ANKDD1A: variants seen among roughly 807,000 people sequenced by gnomAD.
The protein encoded by ANKDD1A is ankyrin repeat and death domain containing 1A, also known as ankyrin repeat and death domain-containing protein 1A.
ANKDD1A carries 59 observed loss-of-function variants against 63.5 expected under a neutral mutation model. The ratio of observed to expected loss-of-function variants is 0.93; its 90% CI spans 0.75 to 1.15. The LOEUF (loss-of-function observed/expected upper bound fraction) is 1.15. ANKDD1A is among the 50% of genes most tolerant of loss of function. ANKDD1A has a pLI of 0.00. For synonymous variants in ANKDD1A, 266 were observed against 263.9 expected, an observed-to-expected ratio of 1.01 and a Z score of -0.08; for missense variants, 632 against 656.4, an observed-to-expected ratio of 0.96 and a Z score of 0.41.
intron 9 of ANKDD1A, among the ~76,000 whole-genome samples, chr15:64,939,146 AGT>A: frequency 6.6e-6 from 1 of 151,954 alleles, no homozygotes; most frequent in Non-Finnish European, 1.5e-5. Context: ...CTAAAATAAA[AGT>A]TTAGGCTAGG....
At chr15:64,953,554 T>TCTC (rs1595860261) in intron 14 of ANKDD1A, among the ~76,000 whole-genome samples, 2,474 of 81,504 alleles carry the variant, frequency 0.03, 48 homozygotes, top group Non-Finnish European at 0.043. Flanking sequence ...TCCTTCTCCT[T>TCTC]CTTTCTTCCT....
intron 14 of ANKDD1A, among the ~76,000 whole-genome samples, chr15:64,952,960 TC>T (rs2085326857): frequency 7.0e-5 from 1 of 14,278 alleles, no homozygotes; most frequent in Non-Finnish European, 4.0e-4. Context: ...TCTTTCTTCC[TC>T]TTCTTCTTTT....
At chr15:64,920,794 C>T (rs2085002224) in intron 3 of ANKDD1A, among the ~76,000 whole-genome samples, 1 of 150,952 alleles carries the variant, frequency 6.6e-6, no homozygotes, top group African/African-American at 2.4e-5. Flanking sequence ...GCGATCCTCC[C>T]ACCTTGGTCC....
chr15:64,912,081 C>G, intron 1 of ANKDD1A, 117 bp downstream of exon 1: 1 of 1,049,380 alleles, frequency 9.5e-7, no homozygotes, highest in Non-Finnish European at 1.2e-6. Flanking sequence ...CCGTGTGGGG[C>G]GTCTGTGTGG....
At chr15:64,936,355 C>T (rs760520747) in intron 9 of ANKDD1A, among the ~76,000 whole-genome samples, 2 of 152,020 alleles carry the variant, frequency 1.3e-5, no homozygotes, top group African/African-American at 2.4e-5. Flanking sequence ...TGATGCCAGC[C>T]CAGTGGTCAA....
intron 14 of ANKDD1A, among the ~76,000 whole-genome samples, chr15:64,953,586 T>C (rs1195106599): frequency 2.1e-4 from 2 of 9,756 alleles, no homozygotes; most frequent in Middle Eastern, 0.056. Flanking sequence ...GTTCTTCTTC[T>C]TCCTTCTCCT....
intron 4 of ANKDD1A, among the ~76,000 whole-genome samples, chr15:64,923,758 G>C (rs1385951): frequency 0.31 from 46,412 of 152,138 alleles, 8,212 homozygotes; most frequent in East Asian, 0.69. Flanking sequence ...GGGTTCTGCT[G>C]TCTGGTCCTG....
Position 64,949,630 on chromosome 15 carries a change from C to T in ANKDD1A, c.1352-211C>T, listed in dbSNP as rs1279408450. 2.0e-5 allele frequency among the ~76,000 whole-genome samples: 3 copies of T among 152,300 alleles called. No homozygotes were observed. In the East Asian group the frequency reaches 5.8e-4, roughly 29 times the overall value. On this transcript the variant is annotated intron_variant, in intron 13 of 14. Coordinates refer to ENST00000319580, the MANE Select transcript of ANKDD1A (RefSeq NM_182703.6). ...TCTAGAGACCAAGACACAAACCCTT[C>T]CCTCCCCATCTGAGAGGCTGCTCCT...
At chr15:64,952,804 CCTT>C (rs1165100247) in intron 14 of ANKDD1A, among the ~76,000 whole-genome samples, 2 of 139,192 alleles carry the variant, frequency 1.4e-5, no homozygotes, top group Non-Finnish European at 3.1e-5. Flanking sequence ...CTTTTCTTCT[CCTT>C]CTCCTCCTTC....
chr15:64,928,162 G>A (rs2085061809), intron 6 of ANKDD1A, among the ~76,000 whole-genome samples: 2 of 152,212 alleles, frequency 1.3e-5, no homozygotes, highest in Admixed American at 6.5e-5. Flanking sequence ...GGTAGAGCTG[G>A]ATTTGGAAGC....
At chr15:64,935,225 C>CAAA (rs1243053667) in intron 9 of ANKDD1A, among the ~76,000 whole-genome samples, 1 of 98,734 alleles carries the variant, frequency 1.0e-5, no homozygotes, top group African/African-American at 3.8e-5. Flanking sequence ...GACTCTGTCT[C>CAAA]AAAAAAAAAA....
chr15:64,931,607 T>A (rs1204911688), intron 8 of ANKDD1A, 22 bp downstream of exon 8: 1 of 1,611,328 alleles, frequency 6.2e-7, no homozygotes, highest in Admixed American at 1.7e-5. Flanking sequence ...CTCCCAAGAC[T>A]GCGGTCGGCT....
intron 8 of ANKDD1A, chr15:64,932,289 G>A (rs2085098055): frequency 2.0e-5 from 3 of 152,182 alleles, no homozygotes; most frequent in African/African-American, 7.2e-5. Context: ...TTTTGCAGAT[G>A]AGAAAACTGG....
rs757252953 is a variant in ANKDD1A, at chr15:64,930,946, G to A, written c.669+26G>A. On this transcript the variant is annotated intron_variant, in intron 7 of 14. Coordinates refer to ENST00000319580, the MANE Select transcript of ANKDD1A (RefSeq NM_182703.6). ...GTGAGTCACCGCCTGGGGATGGCGAGATGCATGACCCTTGCTTGCTCTCTG... is the reference window on the plus strand; with the variant it reads ...GTGAGTCACCGCCTGGGGATGGCGAAATGCATGACCCTTGCTTGCTCTCTG... 1.9e-6 allele frequency: 3 copies of A among 1,602,542 alleles called. No individual in the cohort carries two copies. The African/African-American group carries it at 4.0e-5, about 21-fold the overall frequency.
intron 4 of ANKDD1A, among the ~76,000 whole-genome samples, chr15:64,924,288 G>A (rs1448205720): frequency 1.3e-5 from 2 of 152,248 alleles, no homozygotes; most frequent in Non-Finnish European, 2.9e-5. Flanking sequence ...AAGAGCCAGA[G>A]CAGAATTGGC....
chr15:64,941,564 T>C (rs1208120131), intron 9 of ANKDD1A, among the ~76,000 whole-genome samples: 1 of 152,246 alleles, frequency 6.6e-6, no homozygotes, highest in African/African-American at 2.4e-5. Context: ...TAACACTCCA[T>C]ACCCACTGGC....
chr15:64,957,056 T>A (rs75710768), intron 14 of ANKDD1A, 47 bp from the exon 15 acceptor site: 423,428 of 449,022 alleles, frequency 0.94, 200,918 homozygotes, highest in East Asian at 1. Flanking sequence ...TTAAGGGTGA[T>A]AATTGTTTTG....
chr15:64,927,029 G>T, intron 6 of ANKDD1A, 30 bp downstream of exon 6: 1 of 1,612,372 alleles, frequency 6.2e-7, no homozygotes, highest in South Asian at 1.1e-5. Flanking sequence ...CTGGGATCCT[G>T]ACCAGGGTGC....
At chr15:64,953,164 C>CCTT (rs756792682) in intron 14 of ANKDD1A, among the ~76,000 whole-genome samples, 52,717 of 101,718 alleles carry the variant, frequency 0.52, 10,158 homozygotes, top group South Asian at 0.65. Context: ...TTTCTTCTTT[C>CCTT]CTTCTTTTCT....
Sources: gnomAD v4.1 joint callset for allele counts (sites outside exome capture counted in the v4.1 genomes callset) on GRCh38, gnomAD v4.1.1 for gene constraint, MANE v1.5 for transcripts, NCBI Gene and HGNC (gene_info 2026-07-23, HGNC 2026-07-21) for gene names.